The following TEKT5 variants were observed in gnomAD, a reference collection of about 807,000 sequenced individuals.
The protein encoded by TEKT5 is tektin 5.
TEKT5 carries 52 observed loss-of-function variants against 48.7 expected under a neutral mutation model. That is an observed-to-expected ratio of 1.07 (90% CI 0.86 to 1.35). The LOEUF is 1.35. Among genes scored for constraint, TEKT5 ranks in the 40% most tolerant of loss-of-function variants. The pLI is 0.00. For synonymous variants in TEKT5, 318 were observed against 267.6 expected (o/e 1.19, Z -1.84); for missense variants, 831 against 641.6 (o/e 1.30, Z -3.19).
intron 5 of TEKT5, among the ~76,000 whole-genome samples, chr16:10,658,849 C>CT (rs1898310852): frequency 6.6e-6 from 1 of 152,092 alleles, no homozygotes; most frequent in Non-Finnish European, 1.5e-5. Flanking sequence ...CCCTGAGTAC[C>CT]TGGGATTACA....
intron 5 of TEKT5, among the ~76,000 whole-genome samples, chr16:10,636,797 CTGTA>C (rs1897919942): frequency 7.0e-6 from 1 of 141,898 alleles, no homozygotes; most frequent in South Asian, 2.2e-4. Context: ...AACTCTGGAT[CTGTA>C]TGTATTTTCC....
chr16:10,653,547 C>T (rs1011329398), intron 5 of TEKT5, among the ~76,000 whole-genome samples: 2 of 152,226 alleles, frequency 1.3e-5, no homozygotes, highest in Admixed American at 6.5e-5. Flanking sequence ...CATTCAACAT[C>T]GATTGAGCCC....
chr16:10,677,046 C>G (rs1001342749), intron 4 of TEKT5, among the ~76,000 whole-genome samples: 1 of 152,172 alleles, frequency 6.6e-6, no homozygotes, highest in Non-Finnish European at 1.5e-5. Flanking sequence ...AAAAAAGTAC[C>G]TACATGTGGT....
intron 5 of TEKT5, among the ~76,000 whole-genome samples, chr16:10,674,297 C>G (rs76655408): frequency 0.053 from 8,026 of 152,156 alleles, 283 homozygotes; most frequent in Middle Eastern, 0.095. Context: ...CTCACCCACC[C>G]TTGCTCCCTC....
chr16:10,632,869 GAC>G (rs35503579), intron 6 of TEKT5, among the ~76,000 whole-genome samples: 3,765 of 131,464 alleles, frequency 0.029, 71 homozygotes, highest in African/African-American at 0.054. Flanking sequence ...CACAGATGCA[GAC>G]ACACACACAC....
At chr16:10,667,969 C>A (rs1459786315) in intron 5 of TEKT5, among the ~76,000 whole-genome samples, 2 of 152,062 alleles carry the variant, frequency 1.3e-5, no homozygotes, top group Non-Finnish European at 2.9e-5. Flanking sequence ...CCTCCACCTC[C>A]CAGGTTCAAG....
chr16:10,655,130 T>C (rs1037728503), intron 5 of TEKT5, among the ~76,000 whole-genome samples: 1 of 152,102 alleles, frequency 6.6e-6, no homozygotes, highest in Non-Finnish European at 1.5e-5. Context: ...AAAAAAACAA[T>C]TGAGGACTAC....
chr16:10,633,211 A>T (rs1391960208), intron 6 of TEKT5, among the ~76,000 whole-genome samples: 2 of 152,162 alleles, frequency 1.3e-5, no homozygotes, highest in Non-Finnish European at 2.9e-5. Flanking sequence ...CAATACAAAA[A>T]TTAGCCGAGC....
chr16:10,690,095 C>A (rs930985397), intron 1 of TEKT5, 70 bp from the exon 2 acceptor site: 3 of 1,510,890 alleles, frequency 2.0e-6, no homozygotes, highest in Non-Finnish European at 2.7e-6. Flanking sequence ...AAGGGACTCA[C>A]ATCCACCCTT....
chr16:10,644,716 G>A (rs75556911), intron 5 of TEKT5, among the ~76,000 whole-genome samples: 3,245 of 152,190 alleles, frequency 0.021, 117 homozygotes, highest in African/African-American at 0.074. Context: ...TTCTCCTATC[G>A]CCTAGAACAG....
intron 5 of TEKT5, among the ~76,000 whole-genome samples, chr16:10,673,252 G>T (rs67993714): frequency 0.1 from 15,733 of 152,150 alleles, 836 homozygotes; most frequent in Non-Finnish European, 0.12. Flanking sequence ...CCAGAGCAGG[G>T]GTTGTCAAAA....
At chr16:10,683,813 G>A (rs1159341848) in intron 3 of TEKT5, among the ~76,000 whole-genome samples, 1 of 152,194 alleles carries the variant, frequency 6.6e-6, no homozygotes, top group Non-Finnish European at 1.5e-5. Flanking sequence ...GGCTGGTCTT[G>A]AACTCCTGAC....
intron 5 of TEKT5, among the ~76,000 whole-genome samples, chr16:10,656,893 A>G (rs34529935): frequency 0.1 from 15,922 of 151,788 alleles, 1,511 homozygotes; most frequent in African/African-American, 0.25. Flanking sequence ...GATGCACACC[A>G]CCATGCCTGG....
At chr16:10,628,575 G>A (rs1897790827) in intron 6 of TEKT5, among the ~76,000 whole-genome samples, 1 of 152,180 alleles carries the variant, frequency 6.6e-6, no homozygotes, top group South Asian at 2.1e-4. Context: ...ATGTAATCGA[G>A]CCACAGAATG....
intron 5 of TEKT5, among the ~76,000 whole-genome samples, chr16:10,663,704 G>T (rs963727183): frequency 1.3e-5 from 2 of 152,262 alleles, no homozygotes; most frequent in African/African-American, 4.8e-5. Flanking sequence ...CCTGTGCATT[G>T]GGGGCTGTTT....
At chr16:10,652,682 G>A (rs12919896) in intron 5 of TEKT5, among the ~76,000 whole-genome samples, 6 of 7,620 alleles carry the variant, frequency 7.9e-4, no homozygotes, top group African/African-American at 4.0e-3. Flanking sequence ...TACACAGGCA[G>A]ACACACACAC....
chr16:10,678,343 C>T (rs1898686030), intron 4 of TEKT5, among the ~76,000 whole-genome samples: 2 of 152,262 alleles, frequency 1.3e-5, no homozygotes, highest in Middle Eastern at 6.8e-3. Flanking sequence ...GTGATTCGCC[C>T]ACCTCAGCCT....
intron 4 of TEKT5, among the ~76,000 whole-genome samples, chr16:10,679,897 C>CAAATAAATAAAT (rs56032112): frequency 1.2e-3 from 183 of 150,422 alleles, no homozygotes; most frequent in East Asian, 6.2e-3. Context: ...AACTCGGTCT[C>CAAATAAATAAAT]AAATAAATAA....
At chr16:10,670,048 C>T (rs1200170998) in intron 5 of TEKT5, among the ~76,000 whole-genome samples, 11 of 152,230 alleles carry the variant, frequency 7.2e-5, no homozygotes, top group Admixed American at 7.2e-4. Context: ...GCTGTCTGCA[C>T]AGCCCCAAAC....
Sources: gnomAD v4.1 joint callset for allele counts (sites outside exome capture counted in the v4.1 genomes callset) on GRCh38, gnomAD v4.1.1 for gene constraint, MANE v1.5 for transcripts, NCBI Gene and HGNC (gene_info 2026-07-23, HGNC 2026-07-21) for gene names.